PTPRD: variants seen among roughly 807,000 people sequenced by gnomAD.
PTPRD encodes the protein receptor-type tyrosine-protein phosphatase delta.
A neutral mutation model predicts 214.5 loss-of-function variants in PTPRD; 34 were observed. The ratio of observed to expected loss-of-function variants is 0.16; its 90% CI spans 0.12 to 0.21. The LOEUF (loss-of-function observed/expected upper bound fraction) is 0.21, where lower values mean the gene tolerates loss of function less well. Ranked by LOEUF, PTPRD falls within the 10% of genes least tolerant of loss-of-function variation. PTPRD has a pLI of 1.00. For synonymous variants in PTPRD, 1,128 were observed against 845.7 expected (o/e 1.33, Z -5.79); for missense variants, 2,545 against 2,398.7 (o/e 1.06, Z -1.27).
chr9:9,229,193 C>T (rs2133770206), intron 9 of PTPRD, among the ~76,000 whole-genome samples: 1 of 152,060 alleles, frequency 6.6e-6, no homozygotes, highest in East Asian at 1.9e-4. Flanking sequence ...TGATAACATT[C>T]AACTTACAGG....
intron 2 of PTPRD, among the ~76,000 whole-genome samples, chr9:10,452,552 T>G (rs892041218): frequency 6.6e-6 from 1 of 151,864 alleles, no homozygotes; most frequent in African/African-American, 2.4e-5. Context: ...ACTTTTGATA[T>G]GCATTTTCCT....
At chr9:10,388,588 A>G (rs2097977023) in intron 2 of PTPRD, among the ~76,000 whole-genome samples, 1 of 151,840 alleles carries the variant, frequency 6.6e-6, no homozygotes, top group African/African-American at 2.4e-5. Context: ...AAATTAAAAT[A>G]TTATATTGAA....
intron 2 of PTPRD, among the ~76,000 whole-genome samples, chr9:10,572,706 G>C (rs968027259): frequency 1.3e-5 from 2 of 152,032 alleles, no homozygotes; most frequent in African/African-American, 4.8e-5. Flanking sequence ...TTTATTCTAT[G>C]TACTCAACTC....
intron 30 of PTPRD, 122 bp downstream of exon 30, chr9:8,483,997 A>G: frequency 7.8e-7 from 1 of 1,287,898 alleles, no homozygotes; most frequent in Non-Finnish European, 1.1e-6. Flanking sequence ...TGGGAGTCTG[A>G]GCAGAAGAAT....
chr9:9,295,638 C>T (rs933522812), intron 9 of PTPRD, among the ~76,000 whole-genome samples: 1 of 151,718 alleles, frequency 6.6e-6, no homozygotes, highest in African/African-American at 2.4e-5. Context: ...AATGACTTTT[C>T]TCTCAAAAGT....
chr9:8,764,287 A>G (rs2094574653), intron 11 of PTPRD, among the ~76,000 whole-genome samples: 1 of 152,200 alleles, frequency 6.6e-6, no homozygotes, highest in Admixed American at 6.5e-5. Flanking sequence ...TGAAAAGGCT[A>G]TTGCAAGAGA....
Position 9,007,501 on chromosome 9 carries a change from C to CT in PTPRD, c.-104+11195dup, listed in dbSNP as rs928297186. Among the ~76,000 whole-genome samples, 24 of 151,878 alleles carry CT rather than the reference C, an allele frequency of 1.6e-4. No homozygotes were observed. In the East Asian group the frequency reaches 4.1e-3, roughly 26 times the overall value. ...TTTTTTTATGTGCTTGACCCTATTA[C>CT]TTTTTTCTAAAATACTCCAATAAAC... On this transcript the variant is annotated intron_variant, in intron 11 of 45. Coordinates refer to ENST00000381196, the MANE Select transcript of PTPRD (RefSeq NM_002839.4).
intron 9 of PTPRD, among the ~76,000 whole-genome samples, chr9:9,377,500 A>G (rs922456844): frequency 6.6e-6 from 1 of 152,136 alleles, no homozygotes; most frequent in Non-Finnish European, 1.5e-5. Flanking sequence ...TCTCATCCAT[A>G]TATACAACTC....
chr9:9,820,817 T>A lies in PTPRD; in HGVS notation c.-367-53966A>T, dbSNP rs181469842. ...TAGGTGTGTGGCTTTATTTCTGGGT[T>A]CTCTATTCTGTTCCATTGATTTATG... On this transcript the variant is annotated intron_variant, in intron 5 of 45. Transcript: ENST00000381196. Among the ~76,000 whole-genome samples the A allele has an allele frequency of 2.3e-3, 346 of 152,218 alleles. 1 individual carries two copies. The highest frequency in any genetic ancestry group is 8.1e-3 in the African/African-American group (337 of 41,564).
At chr9:8,818,299 C>T (rs1360230038) in intron 11 of PTPRD, among the ~76,000 whole-genome samples, 2 of 152,154 alleles carry the variant, frequency 1.3e-5, no homozygotes, top group Non-Finnish European at 2.9e-5. Flanking sequence ...TTCTCTGCCT[C>T]ACCTTATTTG....
intron 3 of PTPRD, among the ~76,000 whole-genome samples, chr9:10,137,391 A>G (rs367727628): frequency 1.1e-4 from 1 of 8,802 alleles, no homozygotes; most frequent in Non-Finnish European, 2.0e-4. Context: ...ATGAGTTCAT[A>G]TCCTTTGTAG....
At chr9:9,683,184 T>C (rs537911469) in intron 7 of PTPRD, among the ~76,000 whole-genome samples, 25 of 151,896 alleles carry the variant, frequency 1.6e-4, no homozygotes, top group African/African-American at 4.8e-4. Flanking sequence ...GTCCCTGAAA[T>C]TATGACAGTT....
rs112178887 is a variant in PTPRD, at chr9:9,044,905, G to C, written c.-142-26170C>G. Among the ~76,000 whole-genome samples, 905 of 152,274 alleles carry C rather than the reference G, an allele frequency of 5.9e-3. 13 individuals carry two copies. The highest frequency in any genetic ancestry group is 0.021 in the African/African-American group (862 of 41,546). ...TGGTGTGTCTAGAAGCACAACCCAA[G>C]ACAGCACTAGTCAGGCCATTTGCTG... On this transcript the variant is annotated intron_variant, in intron 10 of 45. Transcript: ENST00000381196.
intron 4 of PTPRD, among the ~76,000 whole-genome samples, chr9:9,960,138 A>C (rs1038698667): frequency 3.9e-5 from 6 of 152,002 alleles, no homozygotes; most frequent in Non-Finnish European, 7.4e-5. Flanking sequence ...AACTTGGAAC[A>C]ACCAGTAGTG....
intron 11 of PTPRD, among the ~76,000 whole-genome samples, chr9:8,771,613 T>C (rs2095218847): frequency 6.6e-6 from 1 of 152,148 alleles, no homozygotes. Flanking sequence ...GGAGTGGAAA[T>C]AGGTATTGGA....
intron 12 of PTPRD, among the ~76,000 whole-genome samples, chr9:8,714,571 T>G (rs1316623431): frequency 1.3e-5 from 2 of 152,202 alleles, no homozygotes; most frequent in Non-Finnish European, 2.9e-5. Context: ...TTACATTTTC[T>G]CCATTCATTC....
At chr9:9,106,319 A>G (rs2099798487) in intron 10 of PTPRD, among the ~76,000 whole-genome samples, 1 of 152,060 alleles carries the variant, frequency 6.6e-6, no homozygotes, top group South Asian at 2.1e-4. Context: ...TATTAATACA[A>G]TAATAACAAT....
chr9:10,220,811 A>G (rs2099568533), intron 3 of PTPRD, among the ~76,000 whole-genome samples: 1 of 151,878 alleles, frequency 6.6e-6, no homozygotes, highest in African/African-American at 2.4e-5. Flanking sequence ...CCTTTTGCTA[A>G]ACTTATAAAT....
intron 33 of PTPRD, among the ~76,000 whole-genome samples, chr9:8,454,811 AGTGT>A (rs3043784): frequency 0.32 from 47,228 of 148,444 alleles, 7,318 homozygotes; most frequent in South Asian, 0.35. Flanking sequence ...CTGAATACAT[AGTGT>A]GTGTGTGTGT....
Sources: gnomAD v4.1 joint callset for allele counts (sites outside exome capture counted in the v4.1 genomes callset) on GRCh38, gnomAD v4.1.1 for gene constraint, MANE v1.5 for transcripts, NCBI Gene and HGNC (gene_info 2026-07-23, HGNC 2026-07-21) for gene names.